DNAH14: variants seen among roughly 807,000 people sequenced by gnomAD.
DNAH14 encodes the protein axonemal beta dynein heavy chain 14.
Under a neutral mutation model 520.9 loss-of-function variants are expected in DNAH14, and 478 were observed. That is an observed-to-expected ratio of 0.92 (90% confidence interval 0.85 to 0.99). The LOEUF (loss-of-function observed/expected upper bound fraction) is 0.99. Among genes scored for constraint, DNAH14 ranks in the 50% least tolerant of loss-of-function variants. DNAH14 has a pLI of 0.00. For missense variants in DNAH14, 4,831 were observed against 5,234.5 expected, an observed-to-expected ratio of 0.92 and a Z score of 2.38; for synonymous variants, 1,581 against 1,757.2, an observed-to-expected ratio of 0.90 and a Z score of 2.51.
intron 17 of DNAH14, among the ~76,000 whole-genome samples, chr1:225,065,231 A>G (rs980374480): frequency 1.3e-5 from 2 of 151,828 alleles, no homozygotes; most frequent in Non-Finnish European, 2.9e-5. Context: ...ACATTGTTGT[A>G]TATATTTATA....
intron 77 of DNAH14, among the ~76,000 whole-genome samples, chr1:225,370,807 T>C (rs1258464931): frequency 6.6e-6 from 1 of 152,126 alleles, no homozygotes; most frequent in East Asian, 1.9e-4. Flanking sequence ...AAAATACATT[T>C]TAAAATTGGA....
rs910739474 is a variant in DNAH14, at chr1:225,346,671, A to T, written c.11296+17A>T. 1.8e-4 allele frequency: 266 copies of T among 1,515,342 alleles called. No homozygotes were observed. Among genetic ancestry groups the T allele is most frequent in the Non-Finnish European group, 2.3e-4 (256 of 1,126,136 alleles). The allele number at this position is 1,515,342 out of a possible 1,614,324, so 93.9% of individuals were successfully genotyped here. A position where few individuals can be genotyped will look rare whatever the true frequency, so the allele number is the denominator to read the frequency against. ...GACTTACTAGTAAGTAAAAGTTACT[A>T]TTCCGGATTCAGTAAAAGTCCATTA... On this transcript the variant is annotated intron_variant, in intron 71 of 85. Transcript: ENST00000682510.
intron 17 of DNAH14, among the ~76,000 whole-genome samples, chr1:225,077,679 A>G (rs1489263526): frequency 1.3e-5 from 2 of 152,164 alleles, no homozygotes; most frequent in African/African-American, 4.8e-5. Context: ...GAATAAAGCT[A>G]TTTGCTTAGG....
intron 21 of DNAH14, among the ~76,000 whole-genome samples, chr1:225,089,782 T>G (rs968224556): frequency 6.6e-6 from 1 of 152,176 alleles, no homozygotes; most frequent in African/African-American, 2.4e-5. Flanking sequence ...CATTCATTCC[T>G]GATTAAAATA....
chr1:225,374,182 T>TATATATATATATATATATAC (rs1263904206), intron 77 of DNAH14, among the ~76,000 whole-genome samples: 2 of 97,120 alleles, frequency 2.1e-5, no homozygotes, highest in African/African-American at 7.1e-5. Context: ...TATATATATA[T>TATATATATATATATATATAC]ACTATTCTAG....
At position 225,398,659 on chromosome 1, in the gene DNAH14, C is replaced by T; in HGVS notation, c.13631C>T (p.Pro4544Leu). 6.4e-7 allele frequency: 1 copy of T among 1,551,634 alleles called. No individual in the cohort carries two copies. The highest frequency in any genetic ancestry group is 8.7e-7 in the Non-Finnish European group (1 of 1,146,916). Residue 4544 changes from proline (P) to leucine (L), a missense_variant, in exon 85 of 86, where the codon CCA becomes CTA. Physicochemically the swap from Pro to Leu is moderately conservative, Grantham distance 98 (BLOSUM62 -3). Coordinates refer to ENST00000682510, the MANE Select transcript of DNAH14 (RefSeq NM_001367479.1). The part of the protein sequence containing the change: ...CCDFPDIYFL[P>L]TKISTKTPNA... ...GATTTTCCCGACATATACTTTTTGC[C>T]AACAAAGGTAATCACCCTGCTATTA...
At chr1:225,117,432 G>T (rs2076946811) in intron 23 of DNAH14, among the ~76,000 whole-genome samples, 1 of 151,388 alleles carries the variant, frequency 6.6e-6, no homozygotes, top group Admixed American at 6.6e-5. Flanking sequence ...TGGTATATGT[G>T]TGTCTAAGGG....
chr1:225,303,428 A>C (rs2150081932), intron 57 of DNAH14, 81 bp downstream of exon 57: 1 of 1,250,240 alleles, frequency 8.0e-7, no homozygotes, highest in Admixed American at 2.9e-5. Flanking sequence ...AACAAACCCT[A>C]GATGGACAAA....
rs371342853 is a variant in DNAH14 at position 225,065,023 on chromosome 1, G to A, written c.2424+13228G>A. Among the ~76,000 whole-genome samples, 164 of 151,948 alleles carry A rather than the reference G, an allele frequency of 1.1e-3. No homozygotes were observed. The Middle Eastern group carries it at 0.024, about 22-fold the overall frequency. ...CCACAGTTTCCTCAAAGGTAAATTG[G>A]GGATAATATTATTACCTTACCTAGA... On this transcript the variant is annotated intron_variant, in intron 17 of 85. Coordinates refer to ENST00000682510, the MANE Select transcript of DNAH14 (RefSeq NM_001367479.1).
intron 27 of DNAH14, 71 bp from the exon 28 acceptor site, chr1:225,140,697 G>T: frequency 1.7e-6 from 2 of 1,179,190 alleles, no homozygotes; most frequent in South Asian, 3.6e-5. Flanking sequence ...ATTTTAATTT[G>T]AATAAAATTT....
rs545849562 is a variant in DNAH14, at chr1:225,009,256, T to C, written c.1107+1712T>C. On this transcript the variant is annotated intron_variant, in intron 10 of 85. Transcript: ENST00000682510. ...GTTTTAGGTCTTACATTTAAGCCTTTAATCTATCTTGAGTTAATTTTTGTA... is the reference window on the plus strand; with the variant it reads ...GTTTTAGGTCTTACATTTAAGCCTTCAATCTATCTTGAGTTAATTTTTGTA... Among the ~76,000 whole-genome samples, 16 of 152,360 alleles carry C rather than the reference T, an allele frequency of 1.1e-4. No individual in the cohort carries two copies. In the East Asian group the frequency reaches 2.9e-3, roughly 28 times the overall value.
chr1:225,290,771 G>A (rs1221026308), intron 55 of DNAH14, among the ~76,000 whole-genome samples: 3 of 147,414 alleles, frequency 2.0e-5, no homozygotes, highest in East Asian at 2.0e-4. Context: ...CATGATAATT[G>A]TACATGTGTT....
chr1:225,084,037 C>G (rs904317722), intron 20 of DNAH14, among the ~76,000 whole-genome samples: 2 of 151,978 alleles, frequency 1.3e-5, no homozygotes, highest in African/African-American at 4.8e-5. Flanking sequence ...TGTAATAACT[C>G]AAAGGGTTCC....
intron 41 of DNAH14, among the ~76,000 whole-genome samples, chr1:225,208,742 A>G (rs1343203419): frequency 6.6e-6 from 1 of 151,934 alleles, no homozygotes; most frequent in Admixed American, 6.5e-5. Context: ...TAGATAGATA[A>G]ATTTTCCTAC....
intron 10 of DNAH14, among the ~76,000 whole-genome samples, chr1:225,008,734 C>A (rs2064423465): frequency 6.6e-6 from 1 of 151,970 alleles, no homozygotes; most frequent in Non-Finnish European, 1.5e-5. Context: ...CGTTTCCTGA[C>A]TTTTTAATGA....
chr1:225,360,797 T>G lies in DNAH14; in HGVS notation c.11893T>G (p.Leu3965Val), dbSNP rs111504201. The change falls in exon 75 of 86, where the codon TTA becomes GTA. Residue 3965 changes from leucine (L) to valine (V), a missense_variant. Transcript: ENST00000682510. Reference sequence around the variant, plus strand: ...AGCAGCTAAAGCTGAAGACCTCATTTTAAAGGCACTAACAAAAACACAACA... The same window carrying G: ...AGCAGCTAAAGCTGAAGACCTCATTGTAAAGGCACTAACAAAAACACAACA... ...DQAAKAEDLI[L>V]KALTKTQQWV... The G allele has an allele frequency of 1.1e-5, 17 of 1,551,738 alleles. No individual in the cohort carries two copies. The highest frequency in any genetic ancestry group is 8.2e-5 in the African/African-American group (6 of 73,176).
At chr1:225,129,560 A>G (rs1200576631) in intron 27 of DNAH14, among the ~76,000 whole-genome samples, 2 of 152,222 alleles carry the variant, frequency 1.3e-5, no homozygotes, top group Non-Finnish European at 2.9e-5. Context: ...AAAAACAAGC[A>G]ATGTGGAAAG....
At chr1:225,119,081 A>T in intron 25 of DNAH14, 139 bp from the exon 26 acceptor site, 1 of 495,576 alleles carries the variant, frequency 2.0e-6, no homozygotes, top group East Asian at 3.5e-5. Flanking sequence ...GATTTAGAAA[A>T]ACCAAAAGGC....
chr1:225,377,029 C>T (rs1000320742), intron 78 of DNAH14, among the ~76,000 whole-genome samples: 1 of 151,840 alleles, frequency 6.6e-6, no homozygotes, highest in African/African-American at 2.4e-5. Flanking sequence ...ATCATATGCA[C>T]ATTACAATAC....
Sources: gnomAD v4.1 joint callset for allele counts (sites outside exome capture counted in the v4.1 genomes callset) on GRCh38, gnomAD v4.1.1 for gene constraint, MANE v1.5 for transcripts, NCBI Gene and HGNC (gene_info 2026-07-23, HGNC 2026-07-21) for gene names.